Variants in TOP1 observed in about 807,000 individuals in gnomAD.
TOP1 encodes the protein DNA topoisomerase I, also known as DNA topoisomerase 1.
TOP1 carries 10 observed loss-of-function variants against 111.1 expected under a neutral mutation model. The observed-to-expected ratio is 0.09, with a 90% CI of 0.06 to 0.15. The LOEUF (loss-of-function observed/expected upper bound fraction) is 0.15. Among genes scored for constraint, TOP1 ranks in the 10% least tolerant of loss-of-function variants. The probability of loss-of-function intolerance (pLI) is 1.00; values close to 1 mark genes in which losing one functional copy is unlikely to be tolerated. For missense variants in TOP1, 474 were observed against 926.7 expected (o/e 0.51, Z 6.34); for synonymous variants, 271 against 302.9 (o/e 0.89, Z 1.10).
In TOP1 at chr20:41,079,859, T is replaced by C. The variant is rs981500780; in HGVS notation, c.336-226T>C. Reference sequence around the variant, plus strand: ...GAATTCTGACTTAGAATAAAGAGTCTTGATCCCAAATCCTGATATTGCCCA... The same window carrying C: ...GAATTCTGACTTAGAATAAAGAGTCCTGATCCCAAATCCTGATATTGCCCA... On this transcript the variant is annotated intron_variant, in intron 5 of 20. Coordinates refer to ENST00000361337, the MANE Select transcript of TOP1 (RefSeq NM_003286.4). The surrounding 1 kb of genome is among the most constrained non-coding windows in gnomAD (Gnocchi z 4.0). Among the ~76,000 whole-genome samples, 3 of 152,234 alleles carry C rather than the reference T, an allele frequency of 2.0e-5. No individual in the cohort carries two copies. Among genetic ancestry groups the C allele is most frequent in the Non-Finnish European group, 4.4e-5 (3 of 68,044 alleles).
At chr20:41,052,983 C>G (rs2033424376) in intron 2 of TOP1, among the ~76,000 whole-genome samples, 1 of 152,140 alleles carries the variant, frequency 6.6e-6, no homozygotes, top group Admixed American at 6.6e-5. Flanking sequence ...GAGTGAGACT[C>G]TGTCTAAACA....
chr20:41,054,365 T>G (rs1283239518), intron 2 of TOP1, among the ~76,000 whole-genome samples: 3 of 152,072 alleles, frequency 2.0e-5, no homozygotes, highest in Non-Finnish European at 2.9e-5. Context: ...AAGAAGGACG[T>G]GTTTGCTTCC....
Position 41,101,098 on chromosome 20 carries a change from A to T in TOP1, c.1164-111A>T. On this transcript the variant is annotated intron_variant, in intron 12 of 20. Coordinates refer to ENST00000361337, the MANE Select transcript of TOP1 (RefSeq NM_003286.4). The surrounding 1 kb of genome is among the most constrained non-coding windows in gnomAD (Gnocchi z 4.1). Reference sequence around the variant, plus strand: ...AGGTGGGACTACTGTATTGACTGTTAAGAAGGAAACTTGGAAAATTATGCT... The same window carrying T: ...AGGTGGGACTACTGTATTGACTGTTTAGAAGGAAACTTGGAAAATTATGCT... 8.4e-7 allele frequency: 1 copy of T among 1,195,604 alleles called. No individual in the cohort carries two copies. The highest frequency in any genetic ancestry group is 1.2e-6 in the Non-Finnish European group (1 of 828,706). The allele number at this position is 1,195,604 out of a possible 1,614,324, so 74.1% of individuals were successfully genotyped here.
intron 2 of TOP1, among the ~76,000 whole-genome samples, chr20:41,033,873 C>T (rs1815443552): frequency 1.3e-5 from 2 of 152,018 alleles, no homozygotes; most frequent in South Asian, 2.1e-4. Flanking sequence ...GAAACTGTGT[C>T]GAACTCCAGT....
In TOP1 at chr20:41,067,398, C is replaced by T. The variant is rs1600569838; in HGVS notation, c.155+5908C>T. Among the ~76,000 whole-genome samples, 1 of 152,310 alleles carries T rather than the reference C, an allele frequency of 6.6e-6. No individual in the cohort carries two copies. Among genetic ancestry groups the T allele is most frequent in the African/African-American group, 2.4e-5 (1 of 41,572 alleles). ...CCTCCCAAGGTGCTGGGATTACAGG[C>T]TTGAGCCACCACACCCGGCCTCCAG... On this transcript the variant is annotated intron_variant, in intron 3 of 20. Transcript: ENST00000361337. The surrounding 1 kb of genome is among the most constrained non-coding windows in gnomAD (Gnocchi z 4.0).
At chr20:41,087,095 G>C (rs370498223) in intron 8 of TOP1, among the ~76,000 whole-genome samples, 2 of 152,074 alleles carry the variant, frequency 1.3e-5, no homozygotes, top group African/African-American at 4.8e-5. Context: ...TTCTTCCCTC[G>C]TAAGTCCGCA....
chr20:41,039,352 A>G (rs943782663), intron 2 of TOP1, among the ~76,000 whole-genome samples: 3 of 152,196 alleles, frequency 2.0e-5, no homozygotes, highest in South Asian at 2.1e-4. Flanking sequence ...ATATTTCACT[A>G]TCAGTGCAAG....
At chr20:41,073,191 A>G in intron 3 of TOP1, 1 of 985,342 alleles carries the variant, frequency 1.0e-6, no homozygotes, top group Non-Finnish European at 1.2e-6. Context: ...ACTTGTAGGT[A>G]CCTATGTTGT....
At chr20:41,062,560 C>T (rs2033558799) in intron 3 of TOP1, among the ~76,000 whole-genome samples, 1 of 151,962 alleles carries the variant, frequency 6.6e-6, no homozygotes, top group African/African-American at 2.4e-5. Flanking sequence ...TACATCTTTT[C>T]TAGTTTATAG....
intron 3 of TOP1, among the ~76,000 whole-genome samples, chr20:41,062,514 T>G (rs1189669050): frequency 1.3e-5 from 2 of 152,242 alleles, no homozygotes; most frequent in African/African-American, 2.4e-5. Context: ...ATTTTCATTA[T>G]TCTGGTAAAT....
In TOP1 at chr20:41,122,759, G is replaced by A. The variant is rs559713539; in HGVS notation, c.2196-436G>A. On this transcript the variant is annotated intron_variant, in intron 20 of 20. Coordinates refer to ENST00000361337, the MANE Select transcript of TOP1 (RefSeq NM_003286.4). This position sits in a 1 kb window ranked among gnomAD's most constrained non-coding sequence, Gnocchi z 5.4. ...CCTCCCCTATGGCACTTGCTAGTCC[G>A]GGCTAAAGTTTCCATCTAGGTCTTT... 1.2e-4 allele frequency among the ~76,000 whole-genome samples: 18 copies of A among 152,172 alleles called. No individual in the cohort carries two copies. Among genetic ancestry groups the A allele is most frequent in the Middle Eastern group, 3.2e-3 (1 of 316 alleles).
intron 13 of TOP1, among the ~76,000 whole-genome samples, chr20:41,108,836 A>G (rs947552937): frequency 6.6e-6 from 1 of 152,228 alleles, no homozygotes; most frequent in Admixed American, 6.5e-5. Flanking sequence ...AAGGCTGCTT[A>G]TGGGTACTCA....
chr20:41,098,105 G>A lies in TOP1; in HGVS notation c.853-110G>A. On this transcript the variant is annotated intron_variant, in intron 10 of 20. Transcript: ENST00000361337. This position sits in a 1 kb window ranked among gnomAD's most constrained non-coding sequence, Gnocchi z 5.7. ...CATTAATTGAGATTGGCTACTTCCA[G>A]AAACCTTTGACTGAAAAAATGGTGC... 1.7e-6 allele frequency: 2 copies of A among 1,167,756 alleles called. No homozygotes were observed. The highest frequency in any genetic ancestry group is 4.3e-5 in the Admixed American group (2 of 46,276). The allele number at this position is 1,167,756 out of a possible 1,614,324, so 72.3% of individuals were successfully genotyped here. A position where few individuals can be genotyped will look rare whatever the true frequency, so the allele number is the denominator to read the frequency against.
Position 41,123,378 on chromosome 20 carries a change from G to C in TOP1, c.*81G>C, listed in dbSNP as rs1281364957. On this transcript the variant is annotated 3_prime_UTR_variant, in exon 21 of 21. Coordinates refer to ENST00000361337, the MANE Select transcript of TOP1 (RefSeq NM_003286.4). This position sits in a 1 kb window ranked among gnomAD's most constrained non-coding sequence, Gnocchi z 5.8. ...GATAAACTGAGCCTCACTTGCCCTC[G>C]TGCCTGGGGGAGAGAGGCAGCAAGT... 1 of 990,514 alleles carries C rather than the reference G, an allele frequency of 1.0e-6. No individual in the cohort carries two copies. The highest frequency in any genetic ancestry group is 2.1e-5 in the Admixed American group (1 of 47,910). The allele number at this position is 990,514 out of a possible 1,614,324, so 61.4% of individuals were successfully genotyped here. A position where few individuals can be genotyped will look rare whatever the true frequency, so the allele number is the denominator to read the frequency against.
At chr20:41,035,929 TCCAGTAAGGTAG>T (rs1219680452) in intron 2 of TOP1, among the ~76,000 whole-genome samples, 1 of 152,188 alleles carries the variant, frequency 6.6e-6, no homozygotes, top group African/African-American at 2.4e-5. Flanking sequence ...TTAACCTGAC[TCCAGTAAGGTAG>T]CCCCTTTGTT....
chr20:41,047,777 G>A (rs1771147031), intron 2 of TOP1, among the ~76,000 whole-genome samples: 1 of 152,156 alleles, frequency 6.6e-6, no homozygotes, highest in African/African-American at 2.4e-5. Flanking sequence ...GAATGTGCTT[G>A]TGTGTATCAC....
At position 41,114,085 on chromosome 20, in the gene TOP1, A is replaced by T; in HGVS notation, c.1568A>T (p.Tyr523Phe). ...NLHPELDGQEYVVEFDFLGKD... is the reference protein window; with the variant it reads ...NLHPELDGQEFVVEFDFLGKD... ...CACCCAGAGTTGGATGGTCAGGAAT[A>T]TGTGGTAGAGTTTGACTTCCTCGGG... is the stretch of plus-strand genomic sequence containing the variant. Residue 523 changes from tyrosine to phenylalanine, a missense_variant, in exon 15 of 21, where the codon TAT becomes TTT. Around this residue, in one of 14 missense-constraint regions of TOP1, gnomAD observed 18 missense variants for 16.4 expected, o/e 1.10. Transcript: ENST00000361337. This position sits in a 1 kb window ranked among gnomAD's most constrained non-coding sequence, Gnocchi z 4.5. 6.2e-7 allele frequency: 1 copy of T among 1,614,216 alleles called. No individual in the cohort carries two copies. The highest frequency in any genetic ancestry group is 1.7e-4 in the Middle Eastern group (1 of 6,060).
intron 2 of TOP1, among the ~76,000 whole-genome samples, chr20:41,033,333 T>C (rs894238426): frequency 9.0e-5 from 13 of 145,006 alleles, no homozygotes; most frequent in Non-Finnish European, 4.5e-5. Flanking sequence ...AAATCTCATT[T>C]TAACCAATAG....
rs1296752164 is a variant in TOP1 at position 41,122,254 on chromosome 20, C to T, written c.2195+99C>T. The T allele has an allele frequency of 7.9e-7, 1 of 1,270,392 alleles. No individual in the cohort carries two copies. The highest frequency in any genetic ancestry group is 1.1e-6 in the Non-Finnish European group (1 of 893,728). The allele number at this position is 1,270,392 out of a possible 1,614,324, so 78.7% of individuals were successfully genotyped here. On this transcript the variant is annotated intron_variant, in intron 20 of 20. Transcript: ENST00000361337. This position sits in a 1 kb window ranked among gnomAD's most constrained non-coding sequence, Gnocchi z 5.4. The stretch of plus-strand genomic sequence containing the variant: ...GCCTTCACATGCCATTCCTAAGCTA[C>T]ACACTTTAGTCCTCTGGGGAAACTT...
Sources: gnomAD v4.1 joint callset for allele counts (sites outside exome capture counted in the v4.1 genomes callset) on GRCh38, gnomAD v4.1.1 for gene constraint, gnomAD v4.1.1 regional missense constraint, Gnocchi (gnomAD v3.1) non-coding constraint, MANE v1.5 for transcripts, NCBI Gene and HGNC (gene_info 2026-07-23, HGNC 2026-07-21) for gene names.